Variants in ARK2C observed in about 807,000 individuals in gnomAD.
The protein encoded by ARK2C is arkadia (RNF111) C-terminal like ring finger ubiquitin ligase 2C, also known as E3 ubiquitin-protein ligase ARK2C.
chr18:46,379,846 C>T, the ARK2C span, among the ~76,000 whole-genome samples: 1 of 152,228 alleles, frequency 6.6e-6, no homozygotes, highest in African/African-American at 2.4e-5. Context: ...AGAGGGTGCC[C>T]CTTGCTAAAC....
At chr18:46,456,116 C>G in the ARK2C span, 27 of 1,289,186 alleles carry the variant, frequency 2.1e-5, no homozygotes, top group Admixed American at 2.0e-4. Flanking sequence ...TCTCCCCTCT[C>G]TTATAGGTAT....
chr18:46,368,648 T>C, the ARK2C span, among the ~76,000 whole-genome samples: 15,029 of 152,214 alleles, frequency 0.099, 1,340 homozygotes, highest in African/African-American at 0.24. Context: ...CAAGGCACCA[T>C]GAAGTGCTTA....
At chr18:46,351,454 A>C in the ARK2C span, among the ~76,000 whole-genome samples, 1 of 152,192 alleles carries the variant, frequency 6.6e-6, no homozygotes, top group Non-Finnish European at 1.5e-5. Context: ...CAAAAAGCTA[A>C]AGAGATTGGG....
At chr18:46,373,203 T>C in the ARK2C span, among the ~76,000 whole-genome samples, 1 of 152,264 alleles carries the variant, frequency 6.6e-6, no homozygotes, top group Admixed American at 6.5e-5. Context: ...ATCTCCTTCA[T>C]GGGCCTCCAG....
the ARK2C span, among the ~76,000 whole-genome samples, chr18:46,390,537 C>T: frequency 6.6e-6 from 1 of 152,164 alleles, no homozygotes; most frequent in African/African-American, 2.4e-5. Context: ...TTCAGTGGAA[C>T]TCATATTTAA....
the ARK2C span, chr18:46,334,556 T>C: frequency 8.1e-6 from 4 of 494,782 alleles, no homozygotes; most frequent in Non-Finnish European, 1.1e-5. This position sits in a 1 kb window ranked among gnomAD's most constrained non-coding sequence, Gnocchi z 4.4. Context: ...CGAATTTGGG[T>C]CCCTTCCTCC....
chr18:46,380,615 G>C, the ARK2C span, among the ~76,000 whole-genome samples: 5 of 152,118 alleles, frequency 3.3e-5, no homozygotes, highest in African/African-American at 1.2e-4. Context: ...TGAGCTGGTC[G>C]CTGGGAGGCT....
chr18:46,370,698 C>T, the ARK2C span, among the ~76,000 whole-genome samples: 1 of 152,154 alleles, frequency 6.6e-6, no homozygotes, highest in Non-Finnish European at 1.5e-5. Context: ...AATAAGATAC[C>T]ATCTCTGTCC....
chr18:46,419,233 G>C, the ARK2C span, among the ~76,000 whole-genome samples: 1 of 152,204 alleles, frequency 6.6e-6, no homozygotes, highest in Non-Finnish European at 1.5e-5. Flanking sequence ...AGGGGGACTT[G>C]GGAGGTGCAG....
chr18:46,342,569 C>T, the ARK2C span, among the ~76,000 whole-genome samples: 100 of 152,330 alleles, frequency 6.6e-4, no homozygotes, highest in African/African-American at 2.3e-3. Flanking sequence ...AGAGTCCTTT[C>T]ACCCTCAGAT....
At chr18:46,458,616 A>G in the ARK2C span, 3 of 152,552 alleles carry the variant, frequency 2.0e-5, no homozygotes, top group East Asian at 5.8e-4. Context: ...GGCTTGAGGA[A>G]GAGCTTCTAG....
the ARK2C span, chr18:46,433,254 C>CCCGCAG: frequency 3.7e-6 from 6 of 1,609,216 alleles, no homozygotes; most frequent in East Asian, 1.3e-4. Flanking sequence ...ACCTGGGCCC[C>CCCGCAG]CCGCAGCCGC....
the ARK2C span, among the ~76,000 whole-genome samples, chr18:46,393,844 C>A: frequency 1.3e-5 from 2 of 152,228 alleles, no homozygotes; most frequent in African/African-American, 4.8e-5. Context: ...TCTGACAGAC[C>A]TGGGTTCAAA....
chr18:46,391,753 A>AAC, the ARK2C span, among the ~76,000 whole-genome samples: 5 of 151,802 alleles, frequency 3.3e-5, no homozygotes, highest in Non-Finnish European at 7.4e-5. Flanking sequence ...CTGTGCCACA[A>AAC]ACACACACAC....
chr18:46,433,091 A>C, the ARK2C span: 11 of 844,004 alleles, frequency 1.3e-5, no homozygotes, highest in South Asian at 2.0e-4. Flanking sequence ...GTAGGTCTTG[A>C]GCTTCACCAG....
the ARK2C span, chr18:46,336,499 C>G: frequency 2.6e-5 from 26 of 985,256 alleles, no homozygotes; most frequent in African/African-American, 4.5e-4. Flanking sequence ...GGTAAAATTT[C>G]GCAGAATGTG....
the ARK2C span, among the ~76,000 whole-genome samples, chr18:46,349,351 A>G: frequency 2.0e-5 from 3 of 152,152 alleles, no homozygotes; most frequent in African/African-American, 4.8e-5. Context: ...TGCATGGCAG[A>G]TGGTGAGAGG....
chr18:46,379,807 C>T, the ARK2C span, among the ~76,000 whole-genome samples: 4 of 152,222 alleles, frequency 2.6e-5, no homozygotes, highest in Non-Finnish European at 5.9e-5. Flanking sequence ...TTTCAGGGCC[C>T]GTTCAAGAGA....
the ARK2C span, among the ~76,000 whole-genome samples, chr18:46,430,606 G>A: frequency 1.3e-5 from 2 of 151,976 alleles, no homozygotes; most frequent in Non-Finnish European, 2.9e-5. Context: ...AATTTCTGAC[G>A]GGTTCCTTCA....
Sources: gnomAD v4.1 joint callset for allele counts (sites outside exome capture counted in the v4.1 genomes callset) on GRCh38, gnomAD v4.1.1 for gene constraint, Gnocchi (gnomAD v3.1) non-coding constraint, MANE v1.5 for transcripts, NCBI Gene and HGNC (gene_info 2026-07-23, HGNC 2026-07-21) for gene names.